The following CREBL2 variants were observed in gnomAD, a reference collection of about 807,000 sequenced individuals.
The protein encoded by CREBL2 is cAMP-responsive element-binding protein-like 2.
Under a neutral mutation model 19.5 loss-of-function variants are expected in CREBL2, and 4 were observed. That is an observed-to-expected ratio of 0.20 (90% confidence interval 0.10 to 0.47). The LOEUF (loss-of-function observed/expected upper bound fraction) is 0.47, where lower values mean the gene tolerates loss of function less well. Ranked by LOEUF, CREBL2 falls within the 20% of genes least tolerant of loss-of-function variation. The pLI is 0.98. For missense variants in CREBL2, 85 were observed against 145.1 expected (o/e 0.59, Z 2.13); for synonymous variants, 42 against 46.6 (o/e 0.90, Z 0.40).
At chr12:12,639,509 T>C (rs952102846) in intron 3 of CREBL2, among the ~76,000 whole-genome samples, 5 of 152,228 alleles carry the variant, frequency 3.3e-5, no homozygotes, top group African/African-American at 4.8e-5. Context: ...TGGAGTGGTA[T>C]CTCATTGTGT....
intron 1 of CREBL2, among the ~76,000 whole-genome samples, chr12:12,622,267 G>A (rs942561871): frequency 1.3e-5 from 2 of 152,200 alleles, no homozygotes; most frequent in African/African-American, 2.4e-5. Context: ...GGCCTGGACT[G>A]AAGACCATAT....
At chr12:12,632,371 C>T (rs999835798) in intron 1 of CREBL2, 7 of 152,056 alleles carry the variant, frequency 4.6e-5, no homozygotes, top group Non-Finnish European at 1.0e-4. Context: ...GCCACCGCGC[C>T]CGGCCAGCCT....
intron 1 of CREBL2, among the ~76,000 whole-genome samples, chr12:12,618,190 CAG>C (rs1945328397): frequency 6.6e-6 from 1 of 150,960 alleles, no homozygotes; most frequent in Non-Finnish European, 1.5e-5. Flanking sequence ...GTACACCTCC[CAG>C]ACGGGGCGGC....
At chr12:12,619,181 C>G (rs1945341108) in intron 1 of CREBL2, among the ~76,000 whole-genome samples, 1 of 152,120 alleles carries the variant, frequency 6.6e-6, no homozygotes, top group Non-Finnish European at 1.5e-5. Flanking sequence ...AGACTATGCT[C>G]CAGATGGGAC....
At chr12:12,626,424 T>A (rs1945402326) in intron 1 of CREBL2, among the ~76,000 whole-genome samples, 1 of 152,212 alleles carries the variant, frequency 6.6e-6, no homozygotes, top group Non-Finnish European at 1.5e-5. Context: ...GTTAGAACCT[T>A]ATGCTTGACC....
intron 1 of CREBL2, among the ~76,000 whole-genome samples, chr12:12,613,091 G>C (rs1187465322): frequency 1.3e-5 from 2 of 152,164 alleles, no homozygotes; most frequent in Non-Finnish European, 2.9e-5. Flanking sequence ...GGCTGGTCTC[G>C]AACTCCCAAT....
chr12:12,616,396 G>T (rs1324655064), intron 1 of CREBL2, among the ~76,000 whole-genome samples: 2 of 152,192 alleles, frequency 1.3e-5, no homozygotes, highest in Non-Finnish European at 2.9e-5. Context: ...ACACAGGTAA[G>T]CACAGTGAAT....
At chr12:12,619,893 T>A (rs569446448) in intron 1 of CREBL2, among the ~76,000 whole-genome samples, 1 of 152,354 alleles carries the variant, frequency 6.6e-6, no homozygotes, top group South Asian at 2.1e-4. Flanking sequence ...CGTGATTATC[T>A]GGAAATGAGG....
chr12:12,632,245 T>C (rs1214473346), intron 1 of CREBL2, among the ~76,000 whole-genome samples: 2 of 151,242 alleles, frequency 1.3e-5, no homozygotes, highest in African/African-American at 4.9e-5. Flanking sequence ...GCCCGGCTAA[T>C]TTTTTGTATT....
rs181307517 is a variant in CREBL2, at chr12:12,642,057, G to T, written c.*59G>T. ...AATATTCTGATTCCCATGGAAGATGGATGGGCAAGAGTGTACTTCTTGGCT... is the reference window on the plus strand; with the variant it reads ...AATATTCTGATTCCCATGGAAGATGTATGGGCAAGAGTGTACTTCTTGGCT... On this transcript the variant is annotated 3_prime_UTR_variant, in exon 4 of 4. Transcript: ENST00000228865. The T allele has an allele frequency of 4.6e-5, 64 of 1,388,506 alleles. No individual in the cohort carries two copies. The African/African-American group carries it at 8.5e-4, about 18-fold the overall frequency. The allele number at this position is 1,388,506 out of a possible 1,614,324, so 86.0% of individuals were successfully genotyped here.
chr12:12,621,716 G>T (rs1945361705), intron 1 of CREBL2, among the ~76,000 whole-genome samples: 1 of 152,152 alleles, frequency 6.6e-6, no homozygotes, highest in African/African-American at 2.4e-5. Flanking sequence ...GTATCTTTCA[G>T]AGTGGAAGAG....
At chr12:12,614,583 T>C (rs1945294550) in intron 1 of CREBL2, 4 of 218,972 alleles carry the variant, frequency 1.8e-5, no homozygotes, top group Middle Eastern at 1.8e-3. Context: ...ATCCTCCACC[T>C]CAGCCTCCCA....
rs1945544049 is a variant in CREBL2, at chr12:12,643,684, A to G, written c.*1686A>G. ...TCTCTAGTCTAGTCTAGTCTAGTCT[A>G]GTCTAGTCATGTGTGACTGTGTACT... On this transcript the variant is annotated 3_prime_UTR_variant, in exon 4 of 4. Transcript: ENST00000228865. 6.6e-6 allele frequency: 1 copy of G among 152,134 alleles called. No individual in the cohort carries two copies. The highest frequency in any genetic ancestry group is 1.5e-5 in the Non-Finnish European group (1 of 68,004). The allele number at this position is 152,134 out of a possible 1,614,324, so 9.4% of individuals were successfully genotyped here.
chr12:12,641,264 T>TTATTA (rs1555174984), intron 3 of CREBL2, among the ~76,000 whole-genome samples: 1 of 78,702 alleles, frequency 1.3e-5, no homozygotes, highest in African/African-American at 5.5e-5. Context: ...TTTTTTTTTA[T>TTATTA]TTTTTTTTTT....
chr12:12,617,643 CTTTTTTTTTTTTTTTTT>C (rs66943066), intron 1 of CREBL2, among the ~76,000 whole-genome samples: 450 of 38,772 alleles, frequency 0.012, 3 homozygotes, highest in African/African-American at 0.031. Context: ...TTTAGTAATT[CTTTTTTTTTTTTTTTTT>C]TTTTTTTTTT....
At chr12:12,631,265 G>C (rs1027926286) in intron 1 of CREBL2, among the ~76,000 whole-genome samples, 1 of 152,214 alleles carries the variant, frequency 6.6e-6, no homozygotes, top group Non-Finnish European at 1.5e-5. Flanking sequence ...CTAAGTGATT[G>C]GAGGTAGGGA....
chr12:12,631,081 T>C (rs1408409526), intron 1 of CREBL2, among the ~76,000 whole-genome samples: 1 of 152,210 alleles, frequency 6.6e-6, no homozygotes, highest in East Asian at 1.9e-4. Flanking sequence ...AGTTGGAAAA[T>C]TGGGACCTTT....
chr12:12,618,466 G>T, intron 1 of CREBL2, among the ~76,000 whole-genome samples: 1 of 150,286 alleles, frequency 6.7e-6, no homozygotes, highest in Non-Finnish European at 1.5e-5. Context: ...CCACATCTCA[G>T]ACGTTGGGCG....
intron 1 of CREBL2, among the ~76,000 whole-genome samples, chr12:12,630,593 T>A (rs1945436034): frequency 6.6e-6 from 1 of 152,198 alleles, no homozygotes; most frequent in African/African-American, 2.4e-5. Flanking sequence ...TTCTTTATTT[T>A]ATTCATCTCT....
Sources: allele counts gnomAD v4.1 joint callset (sites outside exome capture counted in the v4.1 genomes callset), GRCh38; gene constraint gnomAD v4.1.1; transcripts MANE v1.5; gene names NCBI Gene and HGNC (gene_info 2026-07-23, HGNC 2026-07-21).